The following FFAR4 variants were observed in gnomAD, a reference collection of about 807,000 sequenced individuals.
FFAR4 encodes the protein G-protein coupled receptor 120.
FFAR4 carries 19 observed loss-of-function variants against 27.0 expected under a neutral mutation model. The observed-to-expected ratio is 0.70, with a 90% CI of 0.49 to 1.03. The LOEUF is 1.03. Among genes scored for constraint, FFAR4 ranks in the 50% least tolerant of loss-of-function variants. The pLI, the probability that FFAR4 is intolerant of heterozygous loss-of-function variation, is 0.00. For missense variants in FFAR4, 476 were observed against 479.0 expected (o/e 0.99, Z 0.06); for synonymous variants, 254 against 215.6 (o/e 1.18, Z -1.56).
chr10:93,582,702 C>T (rs1042539490), intron 2 of FFAR4, among the ~76,000 whole-genome samples: 2 of 152,146 alleles, frequency 1.3e-5, no homozygotes, highest in African/African-American at 2.4e-5. Flanking sequence ...CCCCAAGGAA[C>T]CTGTAGTCTG....
At chr10:93,587,180 C>G (rs527797350) in intron 2 of FFAR4, 40 bp from the exon 3 acceptor site, 5 of 1,565,100 alleles carry the variant, frequency 3.2e-6, no homozygotes, top group Non-Finnish European at 2.6e-6. Flanking sequence ...CAACAACCCT[C>G]GGTCACCTGT....
intron 2 of FFAR4, among the ~76,000 whole-genome samples, chr10:93,579,907 G>T (rs1465764310): frequency 6.6e-6 from 1 of 152,144 alleles, no homozygotes; most frequent in Admixed American, 6.6e-5. Flanking sequence ...TGCCTCAGTG[G>T]ATTAACACAA....
At chr10:93,582,473 G>A (rs1233662059) in intron 2 of FFAR4, among the ~76,000 whole-genome samples, 1 of 148,048 alleles carries the variant, frequency 6.8e-6, no homozygotes, top group Non-Finnish European at 1.5e-5. Context: ...AAACCTGGGA[G>A]GTGGAGGTTG....
chr10:93,580,927 C>G (rs142123829), intron 2 of FFAR4, among the ~76,000 whole-genome samples: 82 of 152,356 alleles, frequency 5.4e-4, no homozygotes, highest in African/African-American at 1.9e-3. Flanking sequence ...AACCTCCCAG[C>G]GACTTCTAAG....
At chr10:93,584,329 G>T (rs2058215498) in intron 2 of FFAR4, among the ~76,000 whole-genome samples, 1 of 152,166 alleles carries the variant, frequency 6.6e-6, no homozygotes, top group South Asian at 2.1e-4. Flanking sequence ...TTTGTAATTT[G>T]TCTCATCTTT....
At chr10:93,581,819 T>C (rs1039814091) in intron 2 of FFAR4, among the ~76,000 whole-genome samples, 1 of 152,108 alleles carries the variant, frequency 6.6e-6, no homozygotes, top group Non-Finnish European at 1.5e-5. Context: ...TCGGTGGCCG[T>C]GGACCACATT....
At chr10:93,583,227 C>T (rs1350653215) in intron 2 of FFAR4, among the ~76,000 whole-genome samples, 2 of 144,440 alleles carry the variant, frequency 1.4e-5, no homozygotes, top group African/African-American at 5.3e-5. Context: ...ACGGTGAAAC[C>T]CCGTCTCTAC....
At chr10:93,579,292 G>T (rs2058185676) in intron 2 of FFAR4, 3 of 1,178,624 alleles carry the variant, frequency 2.5e-6, no homozygotes, top group Non-Finnish European at 3.8e-6. Context: ...GCCCTGTGTG[G>T]TCTGGCCCCG....
chr10:93,577,779 G>T (rs1385457074), intron 2 of FFAR4, among the ~76,000 whole-genome samples: 4 of 152,160 alleles, frequency 2.6e-5, no homozygotes, highest in Non-Finnish European at 4.4e-5. Context: ...GCACAGGGAG[G>T]TTAAGTAACT....
chr10:93,575,829 C>G (rs1186396042), intron 1 of FFAR4, among the ~76,000 whole-genome samples: 3 of 152,190 alleles, frequency 2.0e-5, no homozygotes, highest in African/African-American at 7.2e-5. Flanking sequence ...GACTCTAGCT[C>G]TTACCACCCT....
At chr10:93,579,073 T>TAAA in intron 2 of FFAR4, 1 of 1,242,040 alleles carries the variant, frequency 8.1e-7, no homozygotes, top group Non-Finnish European at 1.2e-6. Context: ...AGCTGTCCTT[T>TAAA]TAGCCACCCA....
intron 1 of FFAR4, among the ~76,000 whole-genome samples, chr10:93,575,038 C>T (rs747405900): frequency 2.6e-5 from 4 of 152,210 alleles, no homozygotes; most frequent in East Asian, 1.9e-4. Flanking sequence ...CCTAGTAGAG[C>T]GTTCAATGAA....
At chr10:93,579,316 C>T in intron 2 of FFAR4, 2 of 901,498 alleles carry the variant, frequency 2.2e-6, no homozygotes, top group East Asian at 5.0e-5. Flanking sequence ...CCGTTCTCAC[C>T]TTCATATTTC....
chr10:93,574,748 G>T (rs1473967343), intron 1 of FFAR4, among the ~76,000 whole-genome samples: 1 of 151,790 alleles, frequency 6.6e-6, no homozygotes, highest in Non-Finnish European at 1.5e-5. Context: ...AAAAAAATTA[G>T]CTGGTCATGG....
intron 2 of FFAR4, among the ~76,000 whole-genome samples, chr10:93,585,388 G>T (rs950560869): frequency 6.6e-6 from 1 of 152,200 alleles, no homozygotes; most frequent in African/African-American, 2.4e-5. Flanking sequence ...ATGTAAAATG[G>T]TCATTTTCCA....
At chr10:93,570,168 TC>T (rs1251274030) in intron 1 of FFAR4, among the ~76,000 whole-genome samples, 2 of 148,986 alleles carry the variant, frequency 1.3e-5, no homozygotes, top group Non-Finnish European at 3.0e-5. Context: ...CATCTCTCTC[TC>T]TCTCTGTCTC....
chr10:93,580,057 G>T (rs1250358599), intron 2 of FFAR4, among the ~76,000 whole-genome samples: 4 of 152,178 alleles, frequency 2.6e-5, no homozygotes, highest in African/African-American at 4.8e-5. Context: ...GTCCTCACTT[G>T]GTACCATGAG....
rs528726598 is a variant in FFAR4 at position 93,583,287 on chromosome 10, G to T, written c.697-3933G>T. Reference sequence around the variant, plus strand: ...AAAAATTAGCCGGGCGTGATGGCGGGCGCCTGTAGTCCCAGCTACTCAGGA... The same window carrying T: ...AAAAATTAGCCGGGCGTGATGGCGGTCGCCTGTAGTCCCAGCTACTCAGGA... On this transcript the variant is annotated intron_variant, in intron 2 of 2. Coordinates refer to ENST00000371481, the MANE Select transcript of FFAR4 (RefSeq NM_001195755.2). Among the ~76,000 whole-genome samples the T allele has an allele frequency of 2.0e-5, 3 of 151,680 alleles. No individual in the cohort carries two copies. The East Asian group carries it at 5.8e-4, about 29-fold the overall frequency.
intron 1 of FFAR4, among the ~76,000 whole-genome samples, chr10:93,574,310 A>C (rs1406029976): frequency 6.6e-6 from 1 of 152,166 alleles, no homozygotes; most frequent in Non-Finnish European, 1.5e-5. Context: ...AGGCTTTTGG[A>C]AAGAGTTGGG....
Sources: allele counts gnomAD v4.1 joint callset (sites outside exome capture counted in the v4.1 genomes callset), GRCh38; gene constraint gnomAD v4.1.1; transcripts MANE v1.5; gene names NCBI Gene and HGNC (gene_info 2026-07-23, HGNC 2026-07-21).